Variants in NFYC observed in about 807,000 individuals in gnomAD.
The protein encoded by NFYC is nuclear transcription factor Y subunit gamma.
A neutral mutation model predicts 53.1 loss-of-function variants in NFYC; 25 were observed. The ratio of observed to expected loss-of-function variants is 0.47; its 90% CI spans 0.34 to 0.66. The LOEUF (loss-of-function observed/expected upper bound fraction) is 0.66. Ranked by LOEUF, NFYC falls within the 30% of genes least tolerant of loss-of-function variation. The pLI is 0.01. For synonymous variants in NFYC, 145 were observed against 152.6 expected (o/e 0.95, Z 0.37); for missense variants, 260 against 422.7 (o/e 0.62, Z 3.38).
At chr1:40,757,245 T>C (rs1159291959) in intron 5 of NFYC, 1 of 456,598 alleles carries the variant, frequency 2.2e-6, no homozygotes, top group African/African-American at 2.0e-5. Context: ...TCTGTGTCAG[T>C]GGTCAGGGGC....
chr1:40,749,404 T>TA (rs1645789280), intron 3 of NFYC, among the ~76,000 whole-genome samples, 169 bp from the exon 4 acceptor site: 1 of 152,234 alleles, frequency 6.6e-6, no homozygotes, highest in African/African-American at 2.4e-5. Flanking sequence ...TTCTCCCTGT[T>TA]ACCTGCTTTG....
chr1:40,722,797 A>C (rs189502447), intron 1 of NFYC, among the ~76,000 whole-genome samples: 311 of 152,332 alleles, frequency 2.0e-3, no homozygotes, highest in Non-Finnish European at 3.1e-3. Context: ...TTATTTATTT[A>C]TGTATTTACC....
Position 40,738,662 on chromosome 1 carries a change from A to G in NFYC, c.-8-174A>G, listed in dbSNP as rs572747475. Among the ~76,000 whole-genome samples, 17 of 152,348 alleles carry G rather than the reference A, an allele frequency of 1.1e-4. No individual in the cohort carries two copies. The East Asian group carries it at 2.1e-3, about 19-fold the overall frequency. On this transcript the variant is annotated intron_variant, in intron 1 of 9. Transcript: ENST00000447388. ...GATAGAAGGAAAAACTTTCCTACCA[A>G]TGTTTTTAAGATGTAAGTCTGTGTT...
chr1:40,756,828 C>CG, intron 5 of NFYC, among the ~76,000 whole-genome samples: 1 of 152,288 alleles, frequency 6.6e-6, no homozygotes, highest in South Asian at 2.1e-4. Context: ...CCTGGGAACG[C>CG]GGGGGATAGC....
chr1:40,718,730 A>G (rs1471631778), intron 1 of NFYC, among the ~76,000 whole-genome samples: 2 of 152,226 alleles, frequency 1.3e-5, no homozygotes, highest in African/African-American at 4.8e-5. Context: ...TTAGAATTGT[A>G]TTAGGTATTC....
At chr1:40,767,335 A>G (rs1159010972) in intron 8 of NFYC, 1 of 299,332 alleles carries the variant, frequency 3.3e-6, no homozygotes. Context: ...GCGATCGTTT[A>G]AGAGCTGGAC....
Position 40,749,566 on chromosome 1 carries a change from G to T in NFYC, c.178-7G>T. The T allele has an allele frequency of 1.9e-6, 3 of 1,611,034 alleles. No homozygotes were observed. The highest frequency in any genetic ancestry group is 2.5e-6 in the Non-Finnish European group (3 of 1,177,200). On this transcript the variant is annotated splice_polypyrimidine_tract_variant and splice_region_variant and intron_variant, in intron 3 of 9. Coordinates refer to ENST00000447388, the MANE Select transcript of NFYC (RefSeq NM_014223.5). Reference sequence around the variant, plus strand: ...TGATTGACAGGGAGGGCCTGTGTCTGTTACAGATGATCAGTGCAGAAGCGC... The same window carrying T: ...TGATTGACAGGGAGGGCCTGTGTCTTTTACAGATGATCAGTGCAGAAGCGC...
At chr1:40,762,668 G>A (rs1646609368) in intron 6 of NFYC, among the ~76,000 whole-genome samples, 1 of 152,200 alleles carries the variant, frequency 6.6e-6, no homozygotes, top group Non-Finnish European at 1.5e-5. Context: ...TATTTGTACT[G>A]TGAGCCTAAA....
At chr1:40,765,835 G>A (rs557942219) in intron 7 of NFYC, among the ~76,000 whole-genome samples, 2 of 152,314 alleles carry the variant, frequency 1.3e-5, no homozygotes, top group African/African-American at 2.4e-5. Context: ...AAGAGCCTGA[G>A]TTAAGGCTTT....
Position 40,753,141 on chromosome 1 carries a change from T to C in NFYC, c.292-10T>C. The C allele has an allele frequency of 6.2e-7, 1 of 1,603,668 alleles. No individual in the cohort carries two copies. On this transcript the variant is annotated splice_polypyrimidine_tract_variant and intron_variant, in intron 4 of 9. Transcript: ENST00000447388. The stretch of plus-strand genomic sequence containing the variant: ...AGGCTAATTTTTCACACCGCTCTTC[T>C]TTGTTACAGAGAAATGATATCGCCA...
At chr1:40,753,037 C>A in intron 4 of NFYC, 114 bp from the exon 5 acceptor site, 1 of 679,898 alleles carries the variant, frequency 1.5e-6, no homozygotes, top group South Asian at 1.7e-5. Flanking sequence ...TGTAGACTTG[C>A]CCGTAGGTGT....
chr1:40,747,435 AAG>A, intron 2 of NFYC, 97 bp from the exon 3 acceptor site: 1 of 773,888 alleles, frequency 1.3e-6, no homozygotes, highest in Non-Finnish European at 2.2e-6. Flanking sequence ...ACGCTTCCTG[AAG>A]AGAGGGACCA....
At chr1:40,746,106 T>C (rs969524279) in intron 2 of NFYC, among the ~76,000 whole-genome samples, 6 of 152,174 alleles carry the variant, frequency 3.9e-5, no homozygotes, top group Non-Finnish European at 7.3e-5. Context: ...AAAACAAGAA[T>C]AGAATGAACC....
chr1:40,735,777 A>G (rs1200680712), intron 1 of NFYC: 7 of 982,944 alleles, frequency 7.1e-6, no homozygotes, highest in Non-Finnish European at 8.5e-6. Flanking sequence ...GCTTTTTGAT[A>G]ATTATTATTA....
intron 1 of NFYC, among the ~76,000 whole-genome samples, chr1:40,695,243 A>T (rs543600890): frequency 9.2e-5 from 14 of 152,320 alleles, no homozygotes; most frequent in African/African-American, 3.1e-4. Context: ...AGTCTCCCAA[A>T]AAATAAATAA....
rs777094106 is a variant in NFYC at position 40,766,718 on chromosome 1, G to C, written c.828+15G>C. ...ATGCTCAACAGGTATGTGCCCCAGA[G>C]ACACAAGGCCTGTGTTGGAGACCAG... On this transcript the variant is annotated intron_variant, in intron 8 of 9. Transcript: ENST00000447388. 7.5e-6 allele frequency: 12 copies of C among 1,609,572 alleles called. No homozygotes were observed. The highest frequency in any genetic ancestry group is 4.0e-5 in the African/African-American group (3 of 74,788).
intron 1 of NFYC, chr1:40,735,773 T>C (rs1265959267): frequency 1.0e-6 from 1 of 983,692 alleles, no homozygotes. Flanking sequence ...TAAAGCTTTT[T>C]GATAATTATT....
chr1:40,771,115 G>C lies in NFYC; in HGVS notation c.*287G>C, dbSNP rs1383000223. The C allele has an allele frequency of 2.1e-6, 1 of 468,498 alleles. No homozygotes were observed. Among genetic ancestry groups the C allele is most frequent in the African/African-American group, 2.0e-5 (1 of 51,262 alleles). 29.0% of individuals were successfully genotyped at this position (468,498 alleles called of 1,614,324 possible). On this transcript the variant is annotated 3_prime_UTR_variant, in exon 10 of 10. Coordinates refer to ENST00000447388, the MANE Select transcript of NFYC (RefSeq NM_014223.5). The stretch of plus-strand genomic sequence containing the variant: ...TTAAAATATTAAATAACATATTTAT[G>C]GCATTTTCTTGAAGAGTGTGGTTGA...
intron 2 of NFYC, among the ~76,000 whole-genome samples, chr1:40,739,427 T>C (rs1645222431): frequency 6.6e-6 from 1 of 152,230 alleles, no homozygotes; most frequent in African/African-American, 2.4e-5. Flanking sequence ...AGCTGCATTA[T>C]TGACATTTTG....
Sources: allele counts gnomAD v4.1 joint callset (sites outside exome capture counted in the v4.1 genomes callset), GRCh38; gene constraint gnomAD v4.1.1; transcripts MANE v1.5; gene names NCBI Gene and HGNC (gene_info 2026-07-23, HGNC 2026-07-21).